The following NBEA variants were observed in gnomAD, a reference collection of about 807,000 sequenced individuals.
The protein encoded by NBEA is neurobeachin.
Under a neutral mutation model 343.4 loss-of-function variants are expected in NBEA, and 44 were observed. That is an observed-to-expected ratio of 0.13 (90% CI 0.10 to 0.16). The LOEUF (loss-of-function observed/expected upper bound fraction) is 0.16. Among genes scored for constraint, NBEA ranks in the 10% least tolerant of loss-of-function variants. The probability of loss-of-function intolerance (pLI) is 1.00; values close to 1 mark genes in which losing one functional copy is unlikely to be tolerated. For synonymous variants in NBEA, 1,175 were observed against 1,238.7 expected (o/e 0.95, Z 1.08); for missense variants, 2,555 against 3,631.3 (o/e 0.70, Z 7.62).
At chr13:35,340,970 A>T (rs1265523429) in intron 36 of NBEA, among the ~76,000 whole-genome samples, 2 of 152,108 alleles carry the variant, frequency 1.3e-5, no homozygotes, top group African/African-American at 4.8e-5. Context: ...TGGAGGACTT[A>T]TACTTCTTAA....
intron 24 of NBEA, among the ~76,000 whole-genome samples, chr13:35,168,770 A>G (rs1272203707): frequency 2.0e-5 from 3 of 151,396 alleles, no homozygotes. Context: ...CAATAAAAAT[A>G]AGTTGAAGTC....
At chr13:35,593,489 A>T in intron 47 of NBEA, 42 bp downstream of exon 47, 1 of 1,552,134 alleles carries the variant, frequency 6.4e-7, no homozygotes, top group Non-Finnish European at 8.7e-7. Flanking sequence ...ATTTCAAAAT[A>T]TGTGGAAATT....
At chr13:35,413,088 C>G (rs1284172731) in intron 38 of NBEA, among the ~76,000 whole-genome samples, 1 of 152,120 alleles carries the variant, frequency 6.6e-6, no homozygotes, top group African/African-American at 2.4e-5. Context: ...TAATTATATA[C>G]TAGCTCTTAA....
chr13:35,091,274 A>G (rs2152627968), intron 10 of NBEA, among the ~76,000 whole-genome samples: 1 of 152,078 alleles, frequency 6.6e-6, no homozygotes, highest in Middle Eastern at 3.4e-3. Flanking sequence ...CAGAGAAACT[A>G]AAGCCCCAGC....
At chr13:35,654,380 C>A (rs1172256038) in intron 53 of NBEA, among the ~76,000 whole-genome samples, 1 of 152,178 alleles carries the variant, frequency 6.6e-6, no homozygotes, top group East Asian at 1.9e-4. Flanking sequence ...TAACAACATC[C>A]CTTGCTCAAA....
chr13:34,970,703 T>G (rs1476510969), intron 1 of NBEA, among the ~76,000 whole-genome samples: 2 of 152,072 alleles, frequency 1.3e-5, no homozygotes, highest in African/African-American at 4.8e-5. Context: ...GTGTGCATCA[T>G]ATTTCTGGGT....
chr13:35,026,906 C>A (rs1000409749), intron 1 of NBEA, among the ~76,000 whole-genome samples: 1 of 152,100 alleles, frequency 6.6e-6, no homozygotes, highest in African/African-American at 2.4e-5. Context: ...CATCCTCTTA[C>A]CCTCATAACC....
chr13:35,434,524 G>A (rs2045313985), intron 39 of NBEA, among the ~76,000 whole-genome samples: 1 of 152,144 alleles, frequency 6.6e-6, no homozygotes, highest in Non-Finnish European at 1.5e-5. Flanking sequence ...AATCGACATG[G>A]TACTATTGGA....
intron 1 of NBEA, among the ~76,000 whole-genome samples, chr13:34,997,168 TAAC>T (rs1466237664): frequency 9.2e-5 from 14 of 152,358 alleles, no homozygotes; most frequent in East Asian, 1.9e-4. Context: ...ATAACTAGAT[TAAC>T]AACATTACCT....
At chr13:35,495,025 AAAG>A (rs1406044931) in intron 41 of NBEA, among the ~76,000 whole-genome samples, 1 of 151,938 alleles carries the variant, frequency 6.6e-6, no homozygotes, top group Non-Finnish European at 1.5e-5. Context: ...AAAGAAAAGA[AAAG>A]AAAAAAAAAT....
intron 1 of NBEA, among the ~76,000 whole-genome samples, chr13:35,036,255 GCAAA>G (rs997688006): frequency 5.3e-5 from 8 of 151,928 alleles, no homozygotes; most frequent in African/African-American, 1.4e-4. Context: ...ATTTGCATAA[GCAAA>G]CAAACAAGCA....
intron 28 of NBEA, among the ~76,000 whole-genome samples, chr13:35,180,524 C>A (rs1175255574): frequency 6.6e-6 from 1 of 151,542 alleles, no homozygotes; most frequent in Non-Finnish European, 1.5e-5. Flanking sequence ...TCTGCCTTGG[C>A]CAGTTTTTTT....
At chr13:35,151,078 G>A (rs2068749389) in intron 18 of NBEA, among the ~76,000 whole-genome samples, 1 of 145,742 alleles carries the variant, frequency 6.9e-6, no homozygotes. Flanking sequence ...TTGTTCTACT[G>A]CACTCCAGCC....
At chr13:35,258,708 A>G (rs1313864291) in intron 34 of NBEA, among the ~76,000 whole-genome samples, 1 of 152,232 alleles carries the variant, frequency 6.6e-6, no homozygotes, top group Non-Finnish European at 1.5e-5. Context: ...CTATTATACT[A>G]CATGATGATG....
At chr13:35,096,949 T>C (rs1033073982) in intron 10 of NBEA, among the ~76,000 whole-genome samples, 8 of 152,064 alleles carry the variant, frequency 5.3e-5, no homozygotes, top group Admixed American at 3.9e-4. Context: ...TATCATTGAT[T>C]TGTGATAGTT....
intron 41 of NBEA, among the ~76,000 whole-genome samples, chr13:35,535,542 A>T (rs1362094531): frequency 6.6e-6 from 1 of 152,104 alleles, no homozygotes; most frequent in Non-Finnish European, 1.5e-5. Flanking sequence ...GGGTTCACTA[A>T]GGTCTGGGTA....
At chr13:35,122,413 C>T (rs1029731219) in intron 16 of NBEA, among the ~76,000 whole-genome samples, 3 of 151,976 alleles carry the variant, frequency 2.0e-5, no homozygotes, top group African/African-American at 7.3e-5. Context: ...AGTTCATGTC[C>T]TTTGTAGGGA....
At chr13:35,660,156 C>T (rs2085014515) in intron 55 of NBEA, among the ~76,000 whole-genome samples, 1 of 152,174 alleles carries the variant, frequency 6.6e-6, no homozygotes, top group Admixed American at 6.5e-5. Flanking sequence ...TGACATTTCT[C>T]ATTACGTGCT....
chr13:35,090,914 G>T (rs147145251), intron 10 of NBEA, among the ~76,000 whole-genome samples: 1 of 152,018 alleles, frequency 6.6e-6, no homozygotes, highest in South Asian at 2.1e-4. Context: ...AACTGGAAGT[G>T]AGTTCACTAT....
Sources: allele counts gnomAD v4.1 joint callset (sites outside exome capture counted in the v4.1 genomes callset), GRCh38; gene constraint gnomAD v4.1.1; transcripts MANE v1.5; gene names NCBI Gene and HGNC (gene_info 2026-07-23, HGNC 2026-07-21).